The following APBB2 variants were observed in gnomAD, a reference collection of about 807,000 sequenced individuals.
APBB2 encodes Fe65-like 1.
In APBB2, 38 loss-of-function variants were observed where a neutral mutation model predicts 82.5. The ratio of observed to expected loss-of-function variants is 0.46; its 90% CI spans 0.36 to 0.60. APBB2 has a LOEUF of 0.60. Among genes scored for constraint, APBB2 ranks in the 20% least tolerant of loss-of-function variants. APBB2 has a pLI of 0.00. For synonymous variants in APBB2, 341 were observed against 368.2 expected, an observed-to-expected ratio of 0.93 and a Z score of 0.85; for missense variants, 772 against 972.3, an observed-to-expected ratio of 0.79 and a Z score of 2.74.
intron 1 of APBB2, among the ~76,000 whole-genome samples, chr4:41,170,962 A>G (rs1361471466): frequency 6.6e-6 from 1 of 152,208 alleles, no homozygotes; most frequent in Admixed American, 6.5e-5. Context: ...GAATGTGTTA[A>G]CCTGTACAAT....
In APBB2 at chr4:40,826,739, A is replaced by G; in HGVS notation, c.1732+393T>C. 1 of 176,368 alleles carries G rather than the reference A, an allele frequency of 5.7e-6. No individual in the cohort carries two copies. The highest frequency in any genetic ancestry group is 1.8e-4 in the East Asian group (1 of 5,620). 10.9% of individuals were successfully genotyped at this position (176,368 alleles called of 1,614,324 possible). On this transcript the variant is annotated intron_variant, in intron 14 of 17. Transcript: ENST00000508593. The surrounding 1 kb of genome is among the most constrained non-coding windows in gnomAD (Gnocchi z 4.5). ...CTGTAACTGGCTGAACCATCAACTG[A>G]GGTAACTCACTACCTTCAGACCAGC... is the stretch of plus-strand genomic sequence containing the variant.
intron 2 of APBB2, among the ~76,000 whole-genome samples, chr4:41,139,949 T>G (rs945938150): frequency 6.6e-6 from 1 of 152,208 alleles, no homozygotes; most frequent in African/African-American, 2.4e-5. Flanking sequence ...AATTATAATA[T>G]ACCACACTAA....
intron 5 of APBB2, among the ~76,000 whole-genome samples, chr4:41,023,712 G>T (rs1413940205): frequency 6.6e-6 from 1 of 152,178 alleles, no homozygotes; most frequent in Non-Finnish European, 1.5e-5. Context: ...AACATCCCAT[G>T]CTCATGGGTA....
chr4:41,028,000 A>C (rs1302955341), intron 5 of APBB2, among the ~76,000 whole-genome samples: 1 of 152,206 alleles, frequency 6.6e-6, no homozygotes, highest in African/African-American at 2.4e-5. Context: ...GACAAGAGCT[A>C]ATATTACTGC....
intron 6 of APBB2, among the ~76,000 whole-genome samples, chr4:40,974,849 C>T (rs1454636090): frequency 6.6e-6 from 1 of 152,138 alleles, no homozygotes; most frequent in Non-Finnish European, 1.5e-5. Context: ...TTACAAATGC[C>T]GAGGGGCATG....
intron 6 of APBB2, among the ~76,000 whole-genome samples, chr4:41,007,320 G>A (rs1407022633): frequency 4.0e-5 from 6 of 151,788 alleles, no homozygotes; most frequent in African/African-American, 1.5e-4. Context: ...CTCACTAGAT[G>A]CTGGTGTTAT....
At chr4:40,823,089 C>T (rs1215611035) in intron 16 of APBB2, among the ~76,000 whole-genome samples, 1 of 152,182 alleles carries the variant, frequency 6.6e-6, no homozygotes. Context: ...AAAGTGGGCA[C>T]AAGTCTGGGC....
At chr4:41,201,236 T>C (rs1317016476) in intron 1 of APBB2, among the ~76,000 whole-genome samples, 2 of 152,160 alleles carry the variant, frequency 1.3e-5, no homozygotes, top group Admixed American at 1.3e-4. Flanking sequence ...TCCCAACTGA[T>C]ACATTTCCCA....
chr4:41,094,633 T>C (rs1261693382), intron 3 of APBB2, among the ~76,000 whole-genome samples: 1 of 152,204 alleles, frequency 6.6e-6, no homozygotes, highest in Non-Finnish European at 1.5e-5. Context: ...GGTGCGATCT[T>C]GGCTCACCAC....
chr4:41,135,798 C>A (rs1757398827), intron 2 of APBB2, among the ~76,000 whole-genome samples: 2 of 152,286 alleles, frequency 1.3e-5, no homozygotes, highest in Middle Eastern at 3.4e-3. Flanking sequence ...CAGATGTATA[C>A]AAAATTGTGG....
In APBB2 at chr4:40,826,302, G is replaced by GA. The variant is rs1749903242; in HGVS notation, c.1733-333dup. On this transcript the variant is annotated intron_variant, in intron 14 of 17. Coordinates refer to ENST00000508593, the MANE Select transcript of APBB2 (RefSeq NM_004307.2). This position sits in a 1 kb window ranked among gnomAD's most constrained non-coding sequence, Gnocchi z 4.5. ...TAATTAGGTGTGGTTGATGCCCAGA[G>GA]AAAATGTAACCTCAAAGGGCACAAT... Among the ~76,000 whole-genome samples the GA allele has an allele frequency of 6.6e-6, 1 of 151,816 alleles. No homozygotes were observed. Among genetic ancestry groups the GA allele is most frequent in the Non-Finnish European group, 1.5e-5 (1 of 68,010 alleles).
At chr4:40,889,646 G>A (rs1231560340) in intron 12 of APBB2, among the ~76,000 whole-genome samples, 1 of 152,138 alleles carries the variant, frequency 6.6e-6, no homozygotes, top group African/African-American at 2.4e-5. Context: ...CTTAACAATG[G>A]TCTCTGAACA....
intron 4 of APBB2, among the ~76,000 whole-genome samples, chr4:41,046,195 T>A (rs1723374943): frequency 6.6e-6 from 1 of 152,218 alleles, no homozygotes; most frequent in African/African-American, 2.4e-5. Flanking sequence ...TTAGAGTTTG[T>A]GAAAAGGATG....
At position 40,871,721 on chromosome 4, in the gene APBB2, G is replaced by A. The variant is rs117022070; in HGVS notation, c.1529+18643C>T. On this transcript the variant is annotated intron_variant, in intron 12 of 17. Transcript: ENST00000508593. Reference sequence around the variant, plus strand: ...AGATAGACCCTCAGTAAACCATAAAGCATTGTGTCAAAACATGCACAGAGT... The same window carrying A: ...AGATAGACCCTCAGTAAACCATAAAACATTGTGTCAAAACATGCACAGAGT... Among the ~76,000 whole-genome samples the A allele has an allele frequency of 7.1e-4, 108 of 152,286 alleles. No homozygotes were observed. The East Asian group carries it at 0.019, about 27-fold the overall frequency.
chr4:40,956,991 C>G (rs907372656), intron 6 of APBB2, among the ~76,000 whole-genome samples: 3 of 152,156 alleles, frequency 2.0e-5, no homozygotes, highest in Non-Finnish European at 4.4e-5. Flanking sequence ...ACACCAACAG[C>G]CTGGAATTGA....
intron 12 of APBB2, among the ~76,000 whole-genome samples, chr4:40,864,853 CTTTTT>C (rs571511868): frequency 0.021 from 2,596 of 125,216 alleles, 63 homozygotes; most frequent in African/African-American, 0.063. Context: ...ACGTTTGATT[CTTTTT>C]TTTTTTTTTT....
rs60135616 is a variant in APBB2, at chr4:40,863,891, C to CAAAAAAAA, written c.1529+26465_1529+26472dup. 7.3e-4 allele frequency among the ~76,000 whole-genome samples: 24 copies of CAAAAAAAA among 32,998 alleles called. 1 individual carries two copies. The highest frequency in any genetic ancestry group is 1.9e-3 in the Admixed American group (4 of 2,100). The allele number at this position is 32,998 out of a possible 152,430, so 21.6% of individuals were successfully genotyped here. On this transcript the variant is annotated intron_variant, in intron 12 of 17. Coordinates refer to ENST00000508593, the MANE Select transcript of APBB2 (RefSeq NM_004307.2). ...CCTGGGTGACAGAGGGAGACTGTCT[C>CAAAAAAAA]AAAAAAAAAAAAAAAAAAAAAAAAA...
At chr4:41,006,757 C>T (rs555188814) in intron 6 of APBB2, among the ~76,000 whole-genome samples, 7 of 152,186 alleles carry the variant, frequency 4.6e-5, no homozygotes, top group Non-Finnish European at 7.4e-5. Flanking sequence ...TGAGCCACCG[C>T]GCCCAGCCAT....
At chr4:41,181,400 C>T (rs754356397) in intron 1 of APBB2, among the ~76,000 whole-genome samples, 65 of 152,140 alleles carry the variant, frequency 4.3e-4, no homozygotes, top group African/African-American at 1.4e-3. Context: ...TTTTAAGACA[C>T]GTGAAAGAAG....
Sources: gnomAD v4.1 joint callset for allele counts (sites outside exome capture counted in the v4.1 genomes callset) on GRCh38, gnomAD v4.1.1 for gene constraint, Gnocchi (gnomAD v3.1) non-coding constraint, MANE v1.5 for transcripts, NCBI Gene and HGNC (gene_info 2026-07-23, HGNC 2026-07-21) for gene names.